Variants in OSBPL8 observed in about 807,000 individuals in gnomAD.
OSBPL8 encodes the protein oxysterol-binding protein-related protein 8.
Under a neutral mutation model 125.5 loss-of-function variants are expected in OSBPL8, and 59 were observed. The observed-to-expected ratio is 0.47, with a 90% CI of 0.38 to 0.58. The LOEUF (loss-of-function observed/expected upper bound fraction) is 0.58. Among genes scored for constraint, OSBPL8 ranks in the 20% least tolerant of loss-of-function variants. The pLI, the probability that OSBPL8 is intolerant of heterozygous loss-of-function variation, is 0.00. For missense variants in OSBPL8, 758 were observed against 1,047.8 expected, an observed-to-expected ratio of 0.72 and a Z score of 3.82; for synonymous variants, 330 against 338.9, an observed-to-expected ratio of 0.97 and a Z score of 0.29.
chr12:76,358,670 G>A, intron 22 of OSBPL8, 36 bp downstream of exon 22: 1 of 1,489,222 alleles, frequency 6.7e-7, no homozygotes. Context: ...TAATTAAAAA[G>A]TTAGACTCTC....
At chr12:76,507,542 G>C (rs547576150) in intron 1 of OSBPL8, among the ~76,000 whole-genome samples, 1 of 151,786 alleles carries the variant, frequency 6.6e-6, no homozygotes, top group African/African-American at 2.4e-5. Flanking sequence ...AAAATGTGCC[G>C]GGTGTGGTGG....
At chr12:76,407,478 G>A (rs1214868386) in intron 5 of OSBPL8, among the ~76,000 whole-genome samples, 4 of 152,100 alleles carry the variant, frequency 2.6e-5, no homozygotes, top group Non-Finnish European at 5.9e-5. Context: ...AAACTCCTGA[G>A]CTCAAGCAAT....
chr12:76,543,877 A>G (rs1280599192), intron 1 of OSBPL8, among the ~76,000 whole-genome samples: 1 of 152,226 alleles, frequency 6.6e-6, no homozygotes, highest in Non-Finnish European at 1.5e-5. Flanking sequence ...CACAAATTAC[A>G]TAATAAATAT....
At chr12:76,496,168 T>C (rs1392199672) in intron 1 of OSBPL8, among the ~76,000 whole-genome samples, 1 of 124,942 alleles carries the variant, frequency 8.0e-6, no homozygotes, top group Non-Finnish European at 1.9e-5. Context: ...ATGTCTGTAG[T>C]ATTTTTTTTT....
intron 1 of OSBPL8, among the ~76,000 whole-genome samples, chr12:76,514,714 G>T (rs1169490570): frequency 1.3e-5 from 2 of 152,162 alleles, no homozygotes; most frequent in Admixed American, 1.3e-4. Context: ...CAAAGCTGGG[G>T]AAGTTTTCAT....
intron 1 of OSBPL8, among the ~76,000 whole-genome samples, chr12:76,522,010 C>T (rs1381867528): frequency 2.0e-5 from 3 of 152,026 alleles, no homozygotes; most frequent in Admixed American, 1.3e-4. Flanking sequence ...TGGAAATACA[C>T]AATTAGAGAT....
chr12:76,529,420 GC>G (rs921427814), intron 1 of OSBPL8, among the ~76,000 whole-genome samples: 30 of 151,642 alleles, frequency 2.0e-4, no homozygotes, highest in Non-Finnish European at 4.3e-4. Context: ...ACGAAACCCA[GC>G]TGAAACCTTT....
intron 21 of OSBPL8, among the ~76,000 whole-genome samples, chr12:76,364,109 T>C (rs1284171477): frequency 6.6e-6 from 1 of 152,192 alleles, no homozygotes; most frequent in Non-Finnish European, 1.5e-5. Context: ...CTCAAGGATC[T>C]AGAACTGGAA....
intron 1 of OSBPL8, among the ~76,000 whole-genome samples, chr12:76,515,196 C>G (rs1171805805): frequency 6.6e-6 from 1 of 152,188 alleles, no homozygotes; most frequent in East Asian, 1.9e-4. Context: ...AGAAGTGGTA[C>G]AGTCACTCGC....
chr12:76,514,154 C>CT (rs1343377879), intron 1 of OSBPL8, among the ~76,000 whole-genome samples: 1 of 151,484 alleles, frequency 6.6e-6, no homozygotes, highest in Non-Finnish European at 1.5e-5. Flanking sequence ...TGAAAAGGAT[C>CT]TTTTTTTTGA....
rs562153215 is a variant in OSBPL8 at position 76,413,435 on chromosome 12, T to C, written c.218-2801A>G. 2.0e-5 allele frequency among the ~76,000 whole-genome samples: 3 copies of C among 152,314 alleles called. No homozygotes were observed. In the East Asian group the frequency reaches 5.8e-4, roughly 29 times the overall value. On this transcript the variant is annotated intron_variant, in intron 4 of 23. Coordinates refer to ENST00000261183, the MANE Select transcript of OSBPL8 (RefSeq NM_020841.5). ...TCAGACACTTGGATTGTTCCTAATTTTCCCCTGTTGAACAATAGTGCTATG... is the reference window on the plus strand; with the variant it reads ...TCAGACACTTGGATTGTTCCTAATTCTCCCCTGTTGAACAATAGTGCTATG...
At chr12:76,551,037 A>G (rs912987602) in intron 1 of OSBPL8, among the ~76,000 whole-genome samples, 10 of 152,098 alleles carry the variant, frequency 6.6e-5, no homozygotes, top group Non-Finnish European at 1.3e-4. Context: ...AGGAGACAGG[A>G]GGAGACTCTG....
chr12:76,405,339 G>T (rs1954212501), intron 5 of OSBPL8, among the ~76,000 whole-genome samples: 2 of 152,056 alleles, frequency 1.3e-5, no homozygotes, highest in African/African-American at 4.8e-5. Context: ...TGTCCCTGTA[G>T]TCCCAGCTGT....
chr12:76,467,691 C>T (rs529013432), intron 2 of OSBPL8, among the ~76,000 whole-genome samples: 1 of 152,120 alleles, frequency 6.6e-6, no homozygotes, highest in South Asian at 2.1e-4. Context: ...TTAGTGCCCC[C>T]TATGTCAGAC....
At chr12:76,371,658 CGGTGAT>C in intron 18 of OSBPL8, 74 bp from the exon 19 acceptor site, 1 of 1,214,626 alleles carries the variant, frequency 8.2e-7, no homozygotes, top group Non-Finnish European at 1.1e-6. Flanking sequence ...AGTAATATGA[CGGTGAT>C]AATTTCTTCT....
intron 2 of OSBPL8, among the ~76,000 whole-genome samples, chr12:76,480,530 A>G (rs74103477): frequency 3.5e-4 from 54 of 152,334 alleles, no homozygotes; most frequent in Middle Eastern, 3.4e-3. Flanking sequence ...AAACTGTTAG[A>G]GTTAGCAAGC....
chr12:76,423,710 G>T (rs1869794210), intron 4 of OSBPL8, among the ~76,000 whole-genome samples: 1 of 151,990 alleles, frequency 6.6e-6, no homozygotes, highest in South Asian at 2.1e-4. Flanking sequence ...CCTTAATTCA[G>T]ATTTAAAAGC....
At chr12:76,357,548 A>G (rs1952030611) in intron 22 of OSBPL8, among the ~76,000 whole-genome samples, 1 of 152,162 alleles carries the variant, frequency 6.6e-6, no homozygotes, top group Admixed American at 6.5e-5. Context: ...CTCTTCTAAC[A>G]CACTGGTATG....
intron 2 of OSBPL8, among the ~76,000 whole-genome samples, chr12:76,483,838 C>A (rs1877835006): frequency 6.6e-6 from 1 of 151,712 alleles, no homozygotes; most frequent in Non-Finnish European, 1.5e-5. Context: ...CGCCACCTGG[C>A]TAATTTTTGT....
Sources: allele counts gnomAD v4.1 joint callset (sites outside exome capture counted in the v4.1 genomes callset), GRCh38; gene constraint gnomAD v4.1.1; transcripts MANE v1.5; gene names NCBI Gene and HGNC (gene_info 2026-07-23, HGNC 2026-07-21).